The following DZIP1 variants were observed in gnomAD, a reference collection of about 807,000 sequenced individuals.
DZIP1 encodes DAZ interacting zinc finger protein 1, also known as cilium assembly protein DZIP1.
DZIP1 carries 97 observed loss-of-function variants against 107.6 expected under a neutral mutation model. The ratio of observed to expected loss-of-function variants is 0.90; its 90% confidence interval spans 0.77 to 1.07. DZIP1 has a LOEUF of 1.07. Ranked by LOEUF, DZIP1 falls within the 50% of genes least tolerant of loss-of-function variation. The pLI, the probability that DZIP1 is intolerant of heterozygous loss-of-function variation, is 0.00. For synonymous variants in DZIP1, 390 were observed against 386.4 expected, an observed-to-expected ratio of 1.01 and a Z score of -0.11; for missense variants, 1,035 against 1,063.6, an observed-to-expected ratio of 0.97 and a Z score of 0.37.
chr13:95,579,574 G>A lies in DZIP1; in HGVS notation c.*2660C>T, dbSNP rs2043986033. ...AGTTTCAAAGTATGAATAAGAATTG[G>A]TATTTGTGTTATCTTTGAGTAAGAA... On this transcript the variant is annotated 3_prime_UTR_variant, in exon 23 of 23. Coordinates refer to ENST00000376829, the MANE Select transcript of DZIP1 (RefSeq NM_198968.4). The A allele has an allele frequency of 6.6e-6, 1 of 152,102 alleles. No homozygotes were observed. Among genetic ancestry groups the A allele is most frequent in the African/African-American group, 2.4e-5 (1 of 41,370 alleles). 9.4% of individuals were successfully genotyped at this position (152,102 alleles called of 1,614,324 possible). A position where few individuals can be genotyped will look rare whatever the true frequency, so the allele number is the denominator to read the frequency against.
intron 6 of DZIP1, among the ~76,000 whole-genome samples, chr13:95,631,223 A>G (rs1320986749): frequency 6.6e-6 from 1 of 152,134 alleles, no homozygotes; most frequent in Non-Finnish European, 1.5e-5. Flanking sequence ...TGGTAGTCCA[A>G]GGGGGATGAA....
chr13:95,614,986 A>G (rs1202362226), intron 10 of DZIP1, among the ~76,000 whole-genome samples: 1 of 152,198 alleles, frequency 6.6e-6, no homozygotes. Context: ...GGCAGAGATT[A>G]CTAAACCTGA....
At chr13:95,599,454 A>G in intron 14 of DZIP1, 30 bp from the exon 15 acceptor site, 1 of 1,560,396 alleles carries the variant, frequency 6.4e-7, no homozygotes, top group East Asian at 2.2e-5. Flanking sequence ...AGAACAGTAC[A>G]AACAGGACAA....
chr13:95,607,325 G>T (rs1424210445), intron 13 of DZIP1, among the ~76,000 whole-genome samples: 1 of 152,202 alleles, frequency 6.6e-6, no homozygotes, highest in African/African-American at 2.4e-5. Context: ...AGGATTACAG[G>T]CATGAGCCAC....
chr13:95,638,953 A>T (rs1475827659), intron 5 of DZIP1, among the ~76,000 whole-genome samples: 1 of 152,248 alleles, frequency 6.6e-6, no homozygotes, highest in Non-Finnish European at 1.5e-5. Flanking sequence ...AGAAAAACTC[A>T]CATGATAGCA....
In DZIP1 at chr13:95,584,178, T is replaced by G. The variant is rs184169798; in HGVS notation, c.2524+558A>C. Among the ~76,000 whole-genome samples, 659 of 151,532 alleles carry G rather than the reference T, an allele frequency of 4.3e-3. 5 individuals are homozygous for G. Among genetic ancestry groups the G allele is most frequent in the African/African-American group, 0.015 (621 of 41,340 alleles). On this transcript the variant is annotated intron_variant, in intron 22 of 22. Coordinates refer to ENST00000376829, the MANE Select transcript of DZIP1 (RefSeq NM_198968.4). ...TTTTAGCAGAGACAGCGTTTCACCA[T>G]GTTGGCCAGGATGGTCTCAATCTCT...
In DZIP1 at chr13:95,617,480, G is replaced by T. The variant is rs1197890; in HGVS notation, c.1173+2405C>A. Among the ~76,000 whole-genome samples the T allele has an allele frequency of 1.0e-2, 1,520 of 152,248 alleles. 12 individuals are homozygous for T. Among genetic ancestry groups the T allele is most frequent in the Non-Finnish European group, 0.015 (1,026 of 68,016 alleles). Reference sequence around the variant, plus strand: ...TCCTATCCCACGGACATTGAGAAGAGAAATACATGCCATCTTCACCCACTC... The same window carrying T: ...TCCTATCCCACGGACATTGAGAAGATAAATACATGCCATCTTCACCCACTC... On this transcript the variant is annotated intron_variant, in intron 10 of 22. Transcript: ENST00000376829.
chr13:95,622,687 G>A (rs1876036636), intron 8 of DZIP1, among the ~76,000 whole-genome samples: 1 of 151,242 alleles, frequency 6.6e-6, no homozygotes, highest in Non-Finnish European at 1.5e-5. Context: ...ATCAGAATAT[G>A]TACAGGGTGA....
rs968554881 is a variant in DZIP1 at position 95,581,175 on chromosome 13, C to A, written c.*1059G>T. ...AAATGAAAAGAGATCTAAAACCCAA[C>A]AAATCTTTTAGTTAAAAGGTTACTT... On this transcript the variant is annotated 3_prime_UTR_variant, in exon 23 of 23. Transcript: ENST00000376829. 1 of 152,538 alleles carries A rather than the reference C, an allele frequency of 6.6e-6. No individual in the cohort carries two copies. Among genetic ancestry groups the A allele is most frequent in the Admixed American group, 6.5e-5 (1 of 15,274 alleles). The allele number at this position is 152,538 out of a possible 1,614,324, so 9.4% of individuals were successfully genotyped here.
At chr13:95,640,067 A>G (rs1403672215) in intron 5 of DZIP1, among the ~76,000 whole-genome samples, 1 of 150,760 alleles carries the variant, frequency 6.6e-6, no homozygotes, top group African/African-American at 2.4e-5. Flanking sequence ...ATCTTGGCTC[A>G]CTGCAACCTC....
chr13:95,630,579 C>G (rs1877078403), intron 6 of DZIP1: 1 of 459,668 alleles, frequency 2.2e-6, no homozygotes, highest in African/African-American at 2.1e-5. Flanking sequence ...AGTGCTAATA[C>G]AAGCAGAGGA....
At chr13:95,589,966 C>A (rs187782987) in intron 17 of DZIP1, 34 bp from the exon 18 acceptor site, 2 of 1,603,634 alleles carry the variant, frequency 1.2e-6, no homozygotes, top group Non-Finnish European at 1.7e-6. Context: ...GTCTCCATTA[C>A]CTTTATGATC....
At chr13:95,643,288 G>A (rs1234088778) in intron 2 of DZIP1, 31 bp from the exon 3 acceptor site, 1 of 152,098 alleles carries the variant, frequency 6.6e-6, no homozygotes, top group African/African-American at 2.4e-5. Context: ...CAGAAGAAAG[G>A]AAAATACAAT....
Position 95,631,368 on chromosome 13 carries a change from G to A in DZIP1, c.686-1255C>T, listed in dbSNP as rs531771738. Among the ~76,000 whole-genome samples, 57 of 152,142 alleles carry A rather than the reference G, an allele frequency of 3.7e-4. No homozygotes were observed. In the Middle Eastern group the frequency reaches 0.014, roughly 36 times the overall value. Reference sequence around the variant, plus strand: ...CGTAGTCCCAGCTACTTGGGAGGCTGAAGCAACGGAATCACTTGAACCCAG... The same window carrying A: ...CGTAGTCCCAGCTACTTGGGAGGCTAAAGCAACGGAATCACTTGAACCCAG... On this transcript the variant is annotated intron_variant, in intron 6 of 22. Transcript: ENST00000376829.
intron 5 of DZIP1, among the ~76,000 whole-genome samples, chr13:95,636,514 G>C (rs1419180331): frequency 4.0e-5 from 6 of 148,780 alleles, no homozygotes; most frequent in African/African-American, 9.9e-5. Flanking sequence ...CTGCACTCGG[G>C]GCCAGGGTGA....
At chr13:95,640,868 C>T (rs908974680) in intron 5 of DZIP1, among the ~76,000 whole-genome samples, 1 of 152,148 alleles carries the variant, frequency 6.6e-6, no homozygotes, top group Non-Finnish European at 1.5e-5. Flanking sequence ...AAATTCCTTA[C>T]AGTCTCCTGG....
intron 7 of DZIP1, among the ~76,000 whole-genome samples, chr13:95,628,497 G>T (rs1052204669): frequency 6.6e-6 from 1 of 152,168 alleles, no homozygotes; most frequent in African/African-American, 2.4e-5. Flanking sequence ...TAGAGAGATG[G>T]TAGTTGCACA....
rs772020920 is a variant in DZIP1 at position 95,587,591 on chromosome 13, G to T, written c.2166C>A (p.Asp722Glu). 1 of 1,613,860 alleles carries T rather than the reference G, an allele frequency of 6.2e-7. No homozygotes were observed. Among genetic ancestry groups the T allele is most frequent in the Non-Finnish European group, 8.5e-7 (1 of 1,180,002 alleles). Residue 722 changes from aspartate (D) to glutamate (E), a missense_variant, in exon 20 of 23, where the codon GAC (aspartate) becomes GAA (glutamate). By Grantham distance (45) the Asp-to-Glu change is conservative (BLOSUM62 2). Coordinates refer to ENST00000376829, the MANE Select transcript of DZIP1 (RefSeq NM_198968.4). ...CCTCGATTTCGCTTCCCTCGGTCCC[G>T]TCCGCGTCACTTTTCACTGTGTTCT... ...FGKNTVKSDA[D>E]GTEGSEIEDT...
intron 16 of DZIP1, 53 bp from the exon 17 acceptor site, chr13:95,590,494 T>C (rs2044283376): frequency 1.3e-6 from 2 of 1,529,318 alleles, no homozygotes; most frequent in Non-Finnish European, 8.9e-7. Context: ...TTTCATTTCA[T>C]GGGCATATAT....
Sources: allele counts gnomAD v4.1 joint callset (sites outside exome capture counted in the v4.1 genomes callset), GRCh38; gene constraint gnomAD v4.1.1; transcripts MANE v1.5; gene names NCBI Gene and HGNC (gene_info 2026-07-23, HGNC 2026-07-21).